TRIM37: variants seen among roughly 807,000 people sequenced by gnomAD.
TRIM37 encodes tripartite motif containing 37.
A neutral mutation model predicts 129.8 loss-of-function variants in TRIM37; 80 were observed. The ratio of observed to expected loss-of-function variants is 0.62; its 90% CI spans 0.51 to 0.74. The LOEUF (loss-of-function observed/expected upper bound fraction) is 0.74. TRIM37 is among the 30% of genes least tolerant of loss of function. The pLI is 0.00. For missense variants in TRIM37, 1,054 were observed against 1,176.5 expected (o/e 0.90, Z 1.52); for synonymous variants, 389 against 387.1 (o/e 1.00, Z -0.06).
intron 16 of TRIM37, among the ~76,000 whole-genome samples, chr17:59,045,273 G>A (rs2039656954): frequency 6.6e-6 from 1 of 151,912 alleles, no homozygotes. Context: ...AGCTTGCAGT[G>A]AGCGGATATT....
downstream of TRIM37, among the ~76,000 whole-genome samples, chr17:58,997,596 T>TG (rs1290428409): frequency 6.6e-6 from 1 of 152,170 alleles, no homozygotes; most frequent in Non-Finnish European, 1.5e-5. Flanking sequence ...CAAGCATTAA[T>TG]GTATCTCTAG....
chr17:59,039,350 C>CA (rs957098592), intron 17 of TRIM37, among the ~76,000 whole-genome samples: 2 of 144,510 alleles, frequency 1.4e-5, no homozygotes, highest in Non-Finnish European at 1.5e-5. Context: ...GATGGCCAGT[C>CA]TTTTTTTTTT....
intron 17 of TRIM37, among the ~76,000 whole-genome samples, chr17:59,038,411 C>T (rs1328513483): frequency 6.6e-6 from 1 of 152,060 alleles, no homozygotes; most frequent in Admixed American, 6.6e-5. Flanking sequence ...TTTCCCAAAG[C>T]ATATAATAAA....
chr17:59,004,404 T>C (rs1181276319), intron 22 of TRIM37, among the ~76,000 whole-genome samples: 2 of 151,258 alleles, frequency 1.3e-5, no homozygotes, highest in African/African-American at 2.4e-5. Context: ...TTTAAGAAAC[T>C]AGAAAAAGGA....
rs553783365 is a variant in TRIM37 at position 59,038,978 on chromosome 17, G to T, written c.1753+2835C>A. Among the ~76,000 whole-genome samples, 3 of 152,240 alleles carry T rather than the reference G, an allele frequency of 2.0e-5. No individual in the cohort carries two copies. In the South Asian group the frequency reaches 6.2e-4, roughly 32 times the overall value. ...TTGACTGGACAAGAGACTGATTTCA[G>T]TAACTTTCTCCTGATAGGAGTCGCC... is the stretch of plus-strand genomic sequence containing the variant. On this transcript the variant is annotated intron_variant, in intron 17 of 23. Transcript: ENST00000262294.
At chr17:59,069,679 G>A (rs2042203941) in intron 9 of TRIM37, among the ~76,000 whole-genome samples, 2 of 152,128 alleles carry the variant, frequency 1.3e-5, no homozygotes, top group African/African-American at 4.8e-5. Flanking sequence ...TATGTCACAG[G>A]CTGAATTGTG....
At chr17:59,079,922 A>G (rs773176354) in intron 6 of TRIM37, 45 bp from the exon 7 acceptor site, 6 of 1,594,426 alleles carry the variant, frequency 3.8e-6, no homozygotes, top group South Asian at 1.1e-5. Context: ...GGTAAATTTT[A>G]AAAACAGAAG....
chr17:59,081,937 C>CAAAAAAAAAAAAA (rs1157296161), intron 5 of TRIM37, among the ~76,000 whole-genome samples: 2 of 48,884 alleles, frequency 4.1e-5, no homozygotes, highest in African/African-American at 8.5e-5. Context: ...TAATAAAAAC[C>CAAAAAAAAAAAAA]AAAAAAAAAA....
chr17:59,049,491 C>T lies in TRIM37; in HGVS notation c.1315-98G>A, dbSNP rs1009627915. 1.6e-5 allele frequency: 17 copies of T among 1,054,082 alleles called. No homozygotes were observed. In the African/African-American group the frequency reaches 2.7e-4, roughly 17 times the overall value. 65.3% of individuals were successfully genotyped at this position (1,054,082 alleles called of 1,614,324 possible). A position where few individuals can be genotyped will look rare whatever the true frequency, so the allele number is the denominator to read the frequency against. ...AAAATGCATCCAGATGTTTCTAAAA[C>T]CATTGCTTTATTTATTTTTTGAGAA... On this transcript the variant is annotated intron_variant, in intron 14 of 23. Coordinates refer to ENST00000262294, the MANE Select transcript of TRIM37 (RefSeq NM_015294.6).
At chr17:58,973,393 G>C in the TRIM37 span, among the ~76,000 whole-genome samples, 1 of 150,092 alleles carries the variant, frequency 6.7e-6, no homozygotes, top group African/African-American at 2.5e-5. Flanking sequence ...CGCCAGCCTG[G>C]GTGACAGTGT....
chr17:59,083,384 G>T (rs1353869273), intron 5 of TRIM37, among the ~76,000 whole-genome samples: 1 of 150,530 alleles, frequency 6.6e-6, no homozygotes, highest in East Asian at 2.0e-4. Context: ...GTTGCAGTGA[G>T]CCGAGATCCC....
intron 19 of TRIM37, among the ~76,000 whole-genome samples, chr17:59,022,662 T>C (rs906700681): frequency 6.6e-6 from 1 of 152,210 alleles, no homozygotes; most frequent in Non-Finnish European, 1.5e-5. Context: ...TTAGAATAGT[T>C]AGAATAATGT....
chr17:59,041,807 C>A lies in TRIM37; in HGVS notation c.1753+6G>T. 1 of 1,611,244 alleles carries A rather than the reference C, an allele frequency of 6.2e-7. No individual in the cohort carries two copies. Among genetic ancestry groups the A allele is most frequent in the Non-Finnish European group, 8.5e-7 (1 of 1,177,448 alleles). ...TGGCTTGGAGGCAGTGGAGTGACCTCATTACCTGCGGGTCCTGCAGCAGCT... is the reference window on the plus strand; with the variant it reads ...TGGCTTGGAGGCAGTGGAGTGACCTAATTACCTGCGGGTCCTGCAGCAGCT... On this transcript the variant is annotated splice_donor_region_variant and intron_variant, in intron 17 of 23. Coordinates refer to ENST00000262294, the MANE Select transcript of TRIM37 (RefSeq NM_015294.6).
rs1244009697 is a variant in TRIM37 at position 58,998,336 on chromosome 17, A to C, written c.*1041T>G. 1 of 985,300 alleles carries C rather than the reference A, an allele frequency of 1.0e-6. No homozygotes were observed. The highest frequency in any genetic ancestry group is 1.7e-5 in the African/African-American group (1 of 57,250). The allele number at this position is 985,300 out of a possible 1,614,324, so 61.0% of individuals were successfully genotyped here. A position where few individuals can be genotyped will look rare whatever the true frequency, so the allele number is the denominator to read the frequency against. ...CACTAAGTAAAATACAGCAGATGAG[A>C]TGTCTCTCACATGTATATTTAATTA... On this transcript the variant is annotated 3_prime_UTR_variant, in exon 24 of 24. Transcript: ENST00000262294.
At chr17:58,976,206 A>G in the TRIM37 span, among the ~76,000 whole-genome samples, 18 of 152,216 alleles carry the variant, frequency 1.2e-4, no homozygotes. Flanking sequence ...AGAGCAGCAC[A>G]GGCTCACTGT....
chr17:59,086,238 A>ATTTTTTT (rs370069781), intron 4 of TRIM37, among the ~76,000 whole-genome samples: 1 of 142,286 alleles, frequency 7.0e-6, no homozygotes, highest in African/African-American at 2.6e-5. Flanking sequence ...TACTCTTGCA[A>ATTTTTTT]TTTTTTTTTT....
downstream of TRIM37, among the ~76,000 whole-genome samples, chr17:58,996,792 A>ATGTGTG (rs111408971): frequency 1.1e-3 from 91 of 79,408 alleles, no homozygotes; most frequent in African/African-American, 2.8e-3. Flanking sequence ...GTATATATAT[A>ATGTGTG]TGTGTGTGTG....
chr17:59,045,516 G>A (rs2039692820), intron 16 of TRIM37, among the ~76,000 whole-genome samples: 2 of 151,308 alleles, frequency 1.3e-5, no homozygotes, highest in East Asian at 2.0e-4. Flanking sequence ...GTGGGTGCCT[G>A]TAATCCCAGC....
chr17:59,067,782 C>T (rs767566526), intron 9 of TRIM37, among the ~76,000 whole-genome samples: 8 of 144,694 alleles, frequency 5.5e-5, no homozygotes, highest in Non-Finnish European at 1.3e-4. Flanking sequence ...GTGATCCGCC[C>T]GCCTCGGCCT....
Sources: allele counts gnomAD v4.1 joint callset (sites outside exome capture counted in the v4.1 genomes callset), GRCh38; gene constraint gnomAD v4.1.1; transcripts MANE v1.5; gene names NCBI Gene and HGNC (gene_info 2026-07-23, HGNC 2026-07-21).